SGSM1: variants seen among roughly 807,000 people sequenced by gnomAD.
SGSM1 encodes RUN and TBC1 domain containing 2.
A neutral mutation model predicts 133.8 loss-of-function variants in SGSM1; 73 were observed. The observed-to-expected ratio is 0.55, with a 90% confidence interval of 0.45 to 0.66. SGSM1 has a LOEUF of 0.66. Among genes scored for constraint, SGSM1 ranks in the 30% least tolerant of loss-of-function variants. The pLI is 0.00. For synonymous variants in SGSM1, 563 were observed against 573.0 expected, an observed-to-expected ratio of 0.98 and a Z score of 0.25; for missense variants, 1,213 against 1,448.1, an observed-to-expected ratio of 0.84 and a Z score of 2.64.
chr22:24,820,850 G>A (rs925244634), intron 2 of SGSM1, among the ~76,000 whole-genome samples: 4 of 152,222 alleles, frequency 2.6e-5, no homozygotes, highest in Admixed American at 6.5e-5. Flanking sequence ...GGCAGAGGCG[G>A]ATAATGACCG....
chr22:24,818,347 C>T (rs1025877847), intron 2 of SGSM1, among the ~76,000 whole-genome samples: 2 of 152,048 alleles, frequency 1.3e-5, no homozygotes, highest in Non-Finnish European at 2.9e-5. Context: ...AATACCACCA[C>T]TTTGGGATTA....
intron 23 of SGSM1, among the ~76,000 whole-genome samples, chr22:24,918,575 T>G (rs1026099556): frequency 2.0e-5 from 3 of 152,056 alleles, no homozygotes; most frequent in African/African-American, 7.2e-5. Context: ...TATTATCTCT[T>G]TAGTCTTTTT....
chr22:24,924,377 G>A lies in SGSM1; in HGVS notation c.*103G>A. 3 of 968,702 alleles carry A rather than the reference G, an allele frequency of 3.1e-6. No homozygotes were observed. Among genetic ancestry groups the A allele is most frequent in the Admixed American group, 2.0e-5 (1 of 51,094 alleles). The allele number at this position is 968,702 out of a possible 1,614,324, so 60.0% of individuals were successfully genotyped here. A position where few individuals can be genotyped will look rare whatever the true frequency, so the allele number is the denominator to read the frequency against. Reference sequence around the variant, plus strand: ...GGCACCCCGGGAGCGGGGTCCTGGTGTCTGTTCACAAGCGTGGAGTTCAGT... The same window carrying A: ...GGCACCCCGGGAGCGGGGTCCTGGTATCTGTTCACAAGCGTGGAGTTCAGT... On this transcript the variant is annotated 3_prime_UTR_variant, in exon 25 of 25. Transcript: ENST00000400358.
chr22:24,892,634 A>G (rs1055420531), intron 16 of SGSM1, among the ~76,000 whole-genome samples: 1 of 152,124 alleles, frequency 6.6e-6, no homozygotes, highest in Non-Finnish European at 1.5e-5. Flanking sequence ...CTCATCTTGT[A>G]TTCCATATGG....
At chr22:24,856,483 TG>T (rs1259390626) in intron 8 of SGSM1, among the ~76,000 whole-genome samples, 11 of 152,060 alleles carry the variant, frequency 7.2e-5, no homozygotes, top group Non-Finnish European at 1.3e-4. Flanking sequence ...CAGGGATGGG[TG>T]GTAGGTGAGG....
chr22:24,861,752 T>C (rs937303018), intron 9 of SGSM1, among the ~76,000 whole-genome samples: 1 of 151,844 alleles, frequency 6.6e-6, no homozygotes, highest in Admixed American at 6.6e-5. Context: ...TTCATCGTGT[T>C]GGCCAGGCTG....
intron 2 of SGSM1, among the ~76,000 whole-genome samples, chr22:24,830,671 C>T (rs113635403): frequency 1.7e-5 from 1 of 58,660 alleles, no homozygotes; most frequent in African/African-American, 5.8e-5. Context: ...GTCTGAAAGG[C>T]GGGAGGGAGA....
At position 24,868,773 on chromosome 22, in the gene SGSM1, G is replaced by A. The variant is rs1230038880; in HGVS notation, c.1209G>A (p.Glu403=). ...LRKRSPQGSA[E]STSSDKDDDE... ...AGCGAAGCCCTCAGGGTTCTGCCGA[G>A]TCCACATCTTCAGACAAAGATGATG... The change falls in exon 12 of 25, where the codon GAG becomes GAA. Residue 403 remains glutamate (E), a synonymous_variant. Coordinates refer to ENST00000400358, the MANE Select transcript of SGSM1 (RefSeq NM_001098497.3). 5.0e-6 allele frequency: 8 copies of A among 1,614,028 alleles called. No individual in the cohort carries two copies. The East Asian group carries it at 1.6e-4, about 31-fold the overall frequency.
chr22:24,835,463 G>A (rs1929372089), intron 2 of SGSM1, among the ~76,000 whole-genome samples: 1 of 152,128 alleles, frequency 6.6e-6, no homozygotes, highest in Admixed American at 6.5e-5. Flanking sequence ...ACGTCAGAGA[G>A]TTAGGGAATA....
intron 2 of SGSM1, among the ~76,000 whole-genome samples, chr22:24,814,411 A>G (rs535174396): frequency 1.2e-4 from 18 of 152,194 alleles, no homozygotes; most frequent in African/African-American, 4.1e-4. Flanking sequence ...AGAGATGGCA[A>G]GGAGTTCGCC....
In SGSM1 at chr22:24,924,375, G is replaced by C. The variant is rs1282104292; in HGVS notation, c.*101G>C. On this transcript the variant is annotated 3_prime_UTR_variant, in exon 25 of 25. Transcript: ENST00000400358. ...TGGGCACCCCGGGAGCGGGGTCCTG[G>C]TGTCTGTTCACAAGCGTGGAGTTCA... 1 of 990,568 alleles carries C rather than the reference G, an allele frequency of 1.0e-6. No homozygotes were observed. The highest frequency in any genetic ancestry group is 2.5e-5 in the East Asian group (1 of 39,252). 61.4% of individuals were successfully genotyped at this position (990,568 alleles called of 1,614,324 possible). A position where few individuals can be genotyped will look rare whatever the true frequency, so the allele number is the denominator to read the frequency against.
intron 16 of SGSM1, among the ~76,000 whole-genome samples, chr22:24,889,850 C>G (rs191687287): frequency 6.8e-6 from 1 of 147,450 alleles, no homozygotes; most frequent in African/African-American, 2.5e-5. Context: ...GAGGTTTCAC[C>G]GTGTTGGCCG....
intron 3 of SGSM1, among the ~76,000 whole-genome samples, chr22:24,845,706 C>T (rs1930055032): frequency 6.6e-6 from 1 of 152,184 alleles, no homozygotes; most frequent in African/African-American, 2.4e-5. Context: ...CAGCTGCCGT[C>T]CAAATGGCTG....
intron 3 of SGSM1, among the ~76,000 whole-genome samples, chr22:24,845,945 C>CT (rs139930200): frequency 0.068 from 2,192 of 32,196 alleles, 45 homozygotes; most frequent in East Asian, 0.15. Context: ...CTTTTCTTTT[C>CT]TTTCTTTCTT....
chr22:24,881,049 C>T (rs1029020756), intron 14 of SGSM1, among the ~76,000 whole-genome samples: 24 of 150,898 alleles, frequency 1.6e-4, no homozygotes, highest in African/African-American at 5.1e-4. Flanking sequence ...AAAAATTGGC[C>T]GGGCATGGTG....
chr22:24,886,198 C>T (rs1416810556), intron 15 of SGSM1, among the ~76,000 whole-genome samples: 7 of 150,988 alleles, frequency 4.6e-5, no homozygotes, highest in Non-Finnish European at 7.4e-5. Flanking sequence ...GTCAGGAGTT[C>T]GAGACCAGCC....
chr22:24,826,575 C>G (rs1025444227), intron 2 of SGSM1, among the ~76,000 whole-genome samples: 4 of 152,276 alleles, frequency 2.6e-5, no homozygotes, highest in Admixed American at 2.6e-4. Context: ...GGGGCTCAAG[C>G]TCTTCATGGG....
At chr22:24,844,998 C>G in intron 3 of SGSM1, 26 bp downstream of exon 3, 1 of 1,610,842 alleles carries the variant, frequency 6.2e-7, no homozygotes, top group Non-Finnish European at 8.5e-7. Flanking sequence ...GGGAAAGTGG[C>G]TTCTTTCTCT....
intron 15 of SGSM1, among the ~76,000 whole-genome samples, chr22:24,885,911 T>G (rs180784990): frequency 1.3e-5 from 2 of 152,258 alleles, no homozygotes; most frequent in Admixed American, 1.3e-4. Flanking sequence ...CGCCAGGATA[T>G]CTGAGGGCTA....
Sources: allele counts gnomAD v4.1 joint callset (sites outside exome capture counted in the v4.1 genomes callset), GRCh38; gene constraint gnomAD v4.1.1; transcripts MANE v1.5; gene names NCBI Gene and HGNC (gene_info 2026-07-23, HGNC 2026-07-21).